The following FGFR1 variants were observed in gnomAD, a reference collection of about 807,000 sequenced individuals.
FGFR1 encodes the protein fibroblast growth factor receptor 1, also known as FGFR1/PLAG1 fusion.
FGFR1 carries 18 observed loss-of-function variants against 93.7 expected under a neutral mutation model. That is an observed-to-expected ratio of 0.19 (90% CI 0.13 to 0.28). The LOEUF is 0.28. Among genes scored for constraint, FGFR1 ranks in the 10% least tolerant of loss-of-function variants. The pLI, the probability that FGFR1 is intolerant of heterozygous loss-of-function variation, is 1.00. For synonymous variants in FGFR1, 448 were observed against 429.3 expected (o/e 1.04, Z -0.54); for missense variants, 731 against 1,080.4 (o/e 0.68, Z 4.53).
chr8:38,427,892 C>G (rs981826414), intron 5 of FGFR1, 29 bp downstream of exon 5: 2 of 1,614,030 alleles, frequency 1.2e-6, no homozygotes, highest in Non-Finnish European at 1.7e-6. Flanking sequence ...GTTCCCATTA[C>G]TCTAACTTTC....
At chr8:38,449,424 T>C (rs1018368482) in intron 2 of FGFR1, among the ~76,000 whole-genome samples, 1 of 152,180 alleles carries the variant, frequency 6.6e-6, no homozygotes, top group Non-Finnish European at 1.5e-5. Context: ...AATGGACCAT[T>C]AGCCAGAAGC....
At chr8:38,434,528 T>G (rs939634454) in intron 2 of FGFR1, 22 of 333,522 alleles carry the variant, frequency 6.6e-5, no homozygotes, top group Middle Eastern at 1.1e-3. Context: ...TCTCTGAACC[T>G]TCACCACAAG....
At position 38,412,848 on chromosome 8, in the gene FGFR1, T is replaced by A. The variant is rs1259599801; in HGVS notation, c.*780A>T. The A allele has an allele frequency of 4.3e-6, 1 of 232,956 alleles. No homozygotes were observed. Among genetic ancestry groups the A allele is most frequent in the African/African-American group, 2.2e-5 (1 of 45,276 alleles). 14.4% of individuals were successfully genotyped at this position (232,956 alleles called of 1,614,324 possible). ...TATGACCTTTTTAAAAACATTTTCC[T>A]TTTTTTTCTTTTTTGTTTTTAATAT... On this transcript the variant is annotated 3_prime_UTR_variant, in exon 18 of 18. Transcript: ENST00000447712.
At chr8:38,419,473 G>A (rs1817915822) in intron 9 of FGFR1, 60 bp downstream of exon 9, 1 of 1,448,528 alleles carries the variant, frequency 6.9e-7, no homozygotes, top group Non-Finnish European at 9.7e-7. Flanking sequence ...GGAGAGGGCA[G>A]GGCATTAGAG....
At chr8:38,444,317 T>C (rs1405413869) in intron 2 of FGFR1, among the ~76,000 whole-genome samples, 1 of 152,092 alleles carries the variant, frequency 6.6e-6, no homozygotes. Flanking sequence ...TCAGTCTCAC[T>C]TTTATGCACA....
chr8:38,417,799 C>T (rs1817240778), intron 11 of FGFR1, 71 bp downstream of exon 11: 1 of 1,612,016 alleles, frequency 6.2e-7, no homozygotes, highest in South Asian at 1.1e-5. Flanking sequence ...AGCTGTTCTG[C>T]TGGGCCCGAG....
chr8:38,414,699 G>C (rs983971417), intron 14 of FGFR1, 70 bp from the exon 15 acceptor site: 12 of 1,612,918 alleles, frequency 7.4e-6, no homozygotes, highest in South Asian at 4.4e-5. Flanking sequence ...GGAAGGGACT[G>C]GGGGGTGGGT....
At chr8:38,417,464 A>G in intron 11 of FGFR1, 48 bp from the exon 12 acceptor site, 4 of 1,518,724 alleles carry the variant, frequency 2.6e-6, no homozygotes, top group Non-Finnish European at 3.6e-6. Flanking sequence ...GGAGGAGGGC[A>G]GGATAAAGGC....
chr8:38,452,603 T>C (rs1831436803), intron 2 of FGFR1, among the ~76,000 whole-genome samples: 1 of 152,120 alleles, frequency 6.6e-6, no homozygotes, highest in African/African-American at 2.4e-5. Flanking sequence ...GCTCGTGCAA[T>C]CCTCCTGCAT....
At chr8:38,457,786 G>C (rs1833273443) in intron 1 of FGFR1, among the ~76,000 whole-genome samples, 1 of 152,106 alleles carries the variant, frequency 6.6e-6, no homozygotes, top group Non-Finnish European at 1.5e-5. Context: ...AGGAGTTTGA[G>C]ACCAGCCTGG....
chr8:38,415,999 G>A lies in FGFR1; in HGVS notation c.1725C>T (p.Ala575=). The change falls in exon 13 of 18, where the codon GCC becomes GCT. Residue 575 remains alanine, a synonymous_variant. Transcript: ENST00000447712. ...SKGNLREYLQ[A]RRPPGLEYCY... ...AGTATTCCAGCCCTGGGGGCCTCCGGGCCTGCAGGTACTCCCGCAGGTTGC... is the reference window on the plus strand; with the variant it reads ...AGTATTCCAGCCCTGGGGGCCTCCGAGCCTGCAGGTACTCCCGCAGGTTGC... 6.2e-7 allele frequency: 1 copy of A among 1,613,934 alleles called. No homozygotes were observed. Among genetic ancestry groups the A allele is most frequent in the Non-Finnish European group, 8.5e-7 (1 of 1,180,000 alleles).
rs753288703 is a variant in FGFR1 at position 38,413,680 on chromosome 8, C to A, written c.2417G>T (p.Cys806Phe). The A allele has an allele frequency of 6.2e-7, 1 of 1,613,514 alleles. No homozygotes were observed. The highest frequency in any genetic ancestry group is 8.5e-7 in the Non-Finnish European group (1 of 1,179,832). The change falls in exon 18 of 18, where the codon TGC becomes TTC. Residue 806 changes from cysteine (C) to phenylalanine (F), a missense_variant. Around this residue, in one of 10 missense-constraint regions of FGFR1, gnomAD observed 79 missense variants for 97.2 expected, o/e 0.81. Transcript: ENST00000447712. This position sits in a 1 kb window ranked among gnomAD's most constrained non-coding sequence, Gnocchi z 4.2. The part of the protein sequence containing the change: ...FSHEPLPEEP[C>F]LPRHPAQLAN... Reference sequence around the variant, plus strand: ...AAGCTGGGCTGGGTGTCGGGGCAGGCAGGGCTCCTCGGGCAGCGGCTCATG... The same window carrying A: ...AAGCTGGGCTGGGTGTCGGGGCAGGAAGGGCTCCTCGGGCAGCGGCTCATG...
chr8:38,440,175 G>A, intron 2 of FGFR1: 1 of 736,790 alleles, frequency 1.4e-6, no homozygotes, highest in Non-Finnish European at 2.4e-6. Flanking sequence ...AATTGTGGGT[G>A]GGGGAGGAAC....
Position 38,429,510 on chromosome 8 carries a change from C to T in FGFR1, c.358+172G>A, listed in dbSNP as rs1307671160. On this transcript the variant is annotated intron_variant, in intron 3 of 17. Coordinates refer to ENST00000447712, the MANE Select transcript of FGFR1 (RefSeq NM_023110.3). This position sits in a 1 kb window ranked among gnomAD's most constrained non-coding sequence, Gnocchi z 4.4. ...GGGCCCACCCCACCTAGTCACCTCT[C>T]TGAGAGCCAAGCCACGCGGCAGGCA... 1.2e-6 allele frequency: 1 copy of T among 818,258 alleles called. No individual in the cohort carries two copies. Among genetic ancestry groups the T allele is most frequent in the Non-Finnish European group, 2.0e-6 (1 of 499,950 alleles). 50.7% of individuals were successfully genotyped at this position (818,258 alleles called of 1,614,324 possible). A position where few individuals can be genotyped will look rare whatever the true frequency, so the allele number is the denominator to read the frequency against.
chr8:38,460,929 G>A (rs542852459), intron 1 of FGFR1, among the ~76,000 whole-genome samples: 1 of 152,176 alleles, frequency 6.6e-6, no homozygotes, highest in Admixed American at 6.5e-5. Context: ...CCTTGCAGGT[G>A]TACACAGCAG....
rs1478669490 is a variant in FGFR1, at chr8:38,421,448, G to T, written c.1081+349C>A. On this transcript the variant is annotated intron_variant, in intron 8 of 17. Transcript: ENST00000447712. ...CTATCTGAGACTTTTCAGATGCTCAGTACCCAGCGGAGGGGGGAGGCTGCT... is the reference window on the plus strand; with the variant it reads ...CTATCTGAGACTTTTCAGATGCTCATTACCCAGCGGAGGGGGGAGGCTGCT... Among the ~76,000 whole-genome samples, 3 of 152,314 alleles carry T rather than the reference G, an allele frequency of 2.0e-5. No homozygotes were observed. In the East Asian group the frequency reaches 5.8e-4, roughly 29 times the overall value.
At chr8:38,430,896 G>C (rs1311720053) in intron 2 of FGFR1, 1 of 152,194 alleles carries the variant, frequency 6.6e-6, no homozygotes. Flanking sequence ...CGTTCAAGAA[G>C]GCCCGTGGCC....
chr8:38,436,100 T>C (rs1156636402), intron 2 of FGFR1, among the ~76,000 whole-genome samples: 3 of 152,098 alleles, frequency 2.0e-5, no homozygotes, highest in African/African-American at 7.2e-5. Flanking sequence ...GCGGACTGGG[T>C]GCAGTGGCTC....
At chr8:38,467,893 G>A (rs4647906) in intron 1 of FGFR1, 88 bp downstream of exon 1, 78,556 of 223,258 alleles carry the variant, frequency 0.35, 14,512 homozygotes, top group South Asian at 0.52. Context: ...GGCTGCGGCG[G>A]GCAAAGCGCG....
Sources: allele counts gnomAD v4.1 joint callset (sites outside exome capture counted in the v4.1 genomes callset), GRCh38; gene constraint gnomAD v4.1.1; regional missense constraint gnomAD v4.1.1; non-coding constraint Gnocchi (gnomAD v3.1); transcripts MANE v1.5; gene names NCBI Gene and HGNC (gene_info 2026-07-23, HGNC 2026-07-21).